The following PDE4D variants were observed in gnomAD, a reference collection of about 807,000 sequenced individuals.
PDE4D encodes the protein phosphodiesterase 4D.
Under a neutral mutation model 87.4 loss-of-function variants are expected in PDE4D, and 24 were observed. The ratio of observed to expected loss-of-function variants is 0.27; its 90% CI spans 0.20 to 0.39. The LOEUF (loss-of-function observed/expected upper bound fraction) is 0.39, where lower values mean the gene tolerates loss of function less well. Ranked by LOEUF, PDE4D falls within the 10% of genes least tolerant of loss-of-function variation. PDE4D has a pLI of 1.00. For synonymous variants in PDE4D, 384 were observed against 383.2 expected (o/e 1.00, Z -0.02); for missense variants, 714 against 1,041.0 (o/e 0.69, Z 4.32).
chr5:59,937,298 ATATGGACATAAAATAAT>A (rs1756707394), intron 3 of PDE4D, among the ~76,000 whole-genome samples: 2 of 152,232 alleles, frequency 1.3e-5, no homozygotes, highest in Non-Finnish European at 2.9e-5. Context: ...ACGCTAACAT[ATATGGACATAAAATAAT>A]ATAAACTAAC....
At chr5:60,198,799 A>G (rs1741585945) in intron 1 of PDE4D, among the ~76,000 whole-genome samples, 1 of 151,610 alleles carries the variant, frequency 6.6e-6, no homozygotes, top group Non-Finnish European at 1.5e-5. Context: ...GAAGCCTTGA[A>G]TTTGGCTTAT....
chr5:59,514,723 G>A (rs1810869816), intron 1 of PDE4D, among the ~76,000 whole-genome samples: 1 of 152,120 alleles, frequency 6.6e-6, no homozygotes. Flanking sequence ...GTGACTTTGG[G>A]CTAGTTATTT....
intron 1 of PDE4D, among the ~76,000 whole-genome samples, chr5:60,352,063 C>A (rs1490442755): frequency 6.6e-6 from 1 of 151,666 alleles, no homozygotes; most frequent in East Asian, 1.9e-4. Context: ...CTTTGGCCTT[C>A]CAAAGTGCTG....
chr5:60,167,220 T>G, intron 2 of PDE4D, among the ~76,000 whole-genome samples: 1 of 151,864 alleles, frequency 6.6e-6, no homozygotes, highest in East Asian at 1.9e-4. Flanking sequence ...TCTCATATGC[T>G]TTCTTCCTTC....
intron 1 of PDE4D, among the ~76,000 whole-genome samples, chr5:60,406,516 T>C (rs75338490): frequency 0.028 from 4,214 of 152,312 alleles, 94 homozygotes; most frequent in Middle Eastern, 0.082. Context: ...AATTGATATA[T>C]AGTCCTCAGC....
At chr5:59,974,125 T>C (rs1761064096) in intron 3 of PDE4D, among the ~76,000 whole-genome samples, 1 of 152,202 alleles carries the variant, frequency 6.6e-6, no homozygotes, top group Non-Finnish European at 1.5e-5. Flanking sequence ...TTTCTACAAA[T>C]AGAATTTTTC....
At chr5:60,514,268 A>G (rs1336534517) in intron 1 of PDE4D, among the ~76,000 whole-genome samples, 1 of 152,066 alleles carries the variant, frequency 6.6e-6, no homozygotes, top group Admixed American at 6.5e-5. Flanking sequence ...TGCCAAACAG[A>G]TAAGGAAGAA....
chr5:60,123,137 A>C (rs1582769482), intron 2 of PDE4D, among the ~76,000 whole-genome samples: 1 of 152,090 alleles, frequency 6.6e-6, no homozygotes, highest in African/African-American at 2.4e-5. Flanking sequence ...GCCATTTAAC[A>C]AGTCTCTAGG....
chr5:59,960,375 T>C (rs1759328735), intron 3 of PDE4D, among the ~76,000 whole-genome samples: 1 of 152,044 alleles, frequency 6.6e-6, no homozygotes. Context: ...AAATAAACCA[T>C]CCTACCAAAG....
chr5:60,175,113 C>A (rs907489474), intron 2 of PDE4D, among the ~76,000 whole-genome samples: 82 of 151,976 alleles, frequency 5.4e-4, no homozygotes, highest in African/African-American at 2.0e-3. Context: ...TATGTTCTTT[C>A]TTTCTCCCTT....
At chr5:59,695,164 A>G (rs968900890) in intron 1 of PDE4D, among the ~76,000 whole-genome samples, 5 of 151,808 alleles carry the variant, frequency 3.3e-5, no homozygotes, top group African/African-American at 1.2e-4. Flanking sequence ...CATAGAACCC[A>G]AACATCCGGG....
intron 1 of PDE4D, among the ~76,000 whole-genome samples, chr5:59,244,255 G>A (rs116788789): frequency 1.3e-5 from 2 of 151,948 alleles, no homozygotes; most frequent in African/African-American, 4.8e-5. Context: ...AAAATTAGTT[G>A]GGTGTGGTGG....
intron 3 of PDE4D, among the ~76,000 whole-genome samples, chr5:59,940,343 GATAC>G (rs1224104287): frequency 6.6e-6 from 1 of 152,158 alleles, no homozygotes; most frequent in South Asian, 2.1e-4. Context: ...GATTAGATTG[GATAC>G]CAGTTAGGAG....
At chr5:60,169,695 C>T (rs537169120) in intron 2 of PDE4D, among the ~76,000 whole-genome samples, 7 of 151,944 alleles carry the variant, frequency 4.6e-5, no homozygotes, top group Non-Finnish European at 8.8e-5. Flanking sequence ...TTAGTTAAGA[C>T]GTATTCATGT....
chr5:60,281,086 C>A (rs1034920337), intron 1 of PDE4D, among the ~76,000 whole-genome samples: 1 of 152,174 alleles, frequency 6.6e-6, no homozygotes, highest in African/African-American at 2.4e-5. Context: ...GAGATACATA[C>A]AAGGTCAGGG....
chr5:60,502,301 T>A (rs1750119055), intron 1 of PDE4D, among the ~76,000 whole-genome samples: 1 of 152,214 alleles, frequency 6.6e-6, no homozygotes, highest in South Asian at 2.1e-4. Flanking sequence ...TTGTCAAAGA[T>A]CAGATAGTTG....
rs1330711981 is a variant in PDE4D, at chr5:59,319,166, G to GTA, written c.456-103199_456-103198insTA. ...TATGAGAGAGTACATATATATGTGT[G>GTA]TGTGTGTGTGTGTGTGTGTGTGTGT... On this transcript the variant is annotated intron_variant, in intron 1 of 14. Coordinates refer to ENST00000340635, the MANE Select transcript of PDE4D (RefSeq NM_001104631.2). Among the ~76,000 whole-genome samples, 10 of 102,130 alleles carry GTA rather than the reference G, an allele frequency of 9.8e-5. No individual in the cohort carries two copies. In the East Asian group the frequency reaches 3.8e-3, roughly 39 times the overall value. 67.0% of individuals were successfully genotyped at this position (102,130 alleles called of 152,430 possible). A position where few individuals can be genotyped will look rare whatever the true frequency, so the allele number is the denominator to read the frequency against.
At chr5:59,197,145 A>T (rs2153489231) in intron 2 of PDE4D, among the ~76,000 whole-genome samples, 1 of 152,254 alleles carries the variant, frequency 6.6e-6, no homozygotes, top group African/African-American at 2.4e-5. Context: ...ATGTCTCCTA[A>T]TTTTTTATAT....
intron 2 of PDE4D, among the ~76,000 whole-genome samples, chr5:60,030,687 A>C (rs1767149712): frequency 6.6e-6 from 1 of 152,242 alleles, no homozygotes; most frequent in African/African-American, 2.4e-5. Context: ...CATAAAATTC[A>C]ATGCTTTTGT....
Sources: allele counts gnomAD v4.1 joint callset (sites outside exome capture counted in the v4.1 genomes callset), GRCh38; gene constraint gnomAD v4.1.1; transcripts MANE v1.5; gene names NCBI Gene and HGNC (gene_info 2026-07-23, HGNC 2026-07-21).